Variants in MEF2C observed in about 807,000 individuals in gnomAD.
MEF2C encodes the protein myocyte-specific enhancer factor 2C.
In MEF2C, 6 loss-of-function variants were observed where a neutral mutation model predicts 50.5. The observed-to-expected ratio is 0.12, with a 90% CI of 0.07 to 0.23. The LOEUF is 0.23. Ranked by LOEUF, MEF2C falls within the 10% of genes least tolerant of loss-of-function variation. The pLI is 1.00. For missense variants in MEF2C, 276 were observed against 605.0 expected, an observed-to-expected ratio of 0.46 and a Z score of 5.70; for synonymous variants, 183 against 228.0, an observed-to-expected ratio of 0.80 and a Z score of 1.78.
chr5:88,863,847 A>C lies in MEF2C; in HGVS notation c.-143+19108T>G, dbSNP rs551106177. 1.1e-3 allele frequency among the ~76,000 whole-genome samples: 157 copies of C among 144,196 alleles called. 3 individuals carry two copies. Among genetic ancestry groups the C allele is most frequent in the Admixed American group, 0.01 (146 of 14,260 alleles). The allele number at this position is 144,196 out of a possible 152,430, so 94.6% of individuals were successfully genotyped here. A position where few individuals can be genotyped will look rare whatever the true frequency, so the allele number is the denominator to read the frequency against. ...TTCTTTTTTTTTTTTTTTGAGAGAG[A>C]GCCTCGCTCTGTCTCTCAGGTTGGA... On this transcript the variant is annotated intron_variant, in intron 1 of 10. Transcript: ENST00000504921.
intron 6 of MEF2C, chr5:88,738,181 G>GT (rs913535357): frequency 6.1e-6 from 6 of 985,214 alleles, no homozygotes; most frequent in Non-Finnish European, 7.2e-6. Context: ...CTCAATAGAA[G>GT]TATTTCCCTA....
Position 88,756,551 on chromosome 5 carries a change from G to A in MEF2C, c.403-4508C>T. Among the ~76,000 whole-genome samples the A allele has an allele frequency of 1.3e-5, 2 of 152,168 alleles. 1 individual carries two copies. The highest frequency in any genetic ancestry group is 4.8e-5 in the African/African-American group (2 of 41,446). On this transcript the variant is annotated intron_variant, in intron 4 of 10. Transcript: ENST00000504921. Reference sequence around the variant, plus strand: ...CTTTCTATCAGGAATCTCAGTTACAGTCCAGGTTATGTAATAAATTGCCAT... The same window carrying A: ...CTTTCTATCAGGAATCTCAGTTACAATCCAGGTTATGTAATAAATTGCCAT...
chr5:88,767,086 T>G (rs1041251204), intron 3 of MEF2C, among the ~76,000 whole-genome samples: 2 of 152,238 alleles, frequency 1.3e-5, no homozygotes, highest in African/African-American at 4.8e-5. Context: ...CTGCTGCTGT[T>G]TCCTGACCCT....
chr5:88,744,178 G>T, intron 6 of MEF2C: 1 of 966,554 alleles, frequency 1.0e-6, no homozygotes, highest in Non-Finnish European at 1.2e-6. Flanking sequence ...TCTGCTAATG[G>T]TTATTTCCAT....
At chr5:88,902,983 A>G (rs1256907630) in intron 1 of MEF2C, among the ~76,000 whole-genome samples, 1 of 151,738 alleles carries the variant, frequency 6.6e-6, no homozygotes, top group Non-Finnish European at 1.5e-5. Context: ...AATGTTTTCA[A>G]TTTACTATAA....
chr5:88,862,658 C>T (rs946456665), intron 1 of MEF2C, among the ~76,000 whole-genome samples: 28 of 152,190 alleles, frequency 1.8e-4, no homozygotes, highest in African/African-American at 5.8e-4. Flanking sequence ...CCTGTTTGGC[C>T]CTTTTCTCTT....
chr5:88,885,004 T>C (rs909526895), upstream of MEF2C, among the ~76,000 whole-genome samples: 1 of 152,118 alleles, frequency 6.6e-6, no homozygotes. Flanking sequence ...TTAAAAAATA[T>C]TGTGAAAGCA....
At chr5:88,768,776 C>T in intron 3 of MEF2C, 6 of 708,330 alleles carry the variant, frequency 8.5e-6, no homozygotes, top group Non-Finnish European at 1.0e-5. Flanking sequence ...ACTACCATTT[C>T]ACACTACGTT....
At chr5:88,801,007 A>G (rs1798097252) in intron 3 of MEF2C, among the ~76,000 whole-genome samples, 1 of 152,190 alleles carries the variant, frequency 6.6e-6, no homozygotes, top group Non-Finnish European at 1.5e-5. Flanking sequence ...AAGACATGAT[A>G]ATTACGCAGA....
Position 88,804,410 on chromosome 5 carries a change from CACTCTA to C in MEF2C, c.258+182_258+187del. The C allele has an allele frequency of 5.2e-6, 3 of 573,188 alleles. No homozygotes were observed. In the Admixed American group the frequency reaches 9.0e-5, roughly 17 times the overall value. The allele number at this position is 573,188 out of a possible 1,614,324, so 35.5% of individuals were successfully genotyped here. Reference sequence around the variant, plus strand: ...TCTTACATGGTCTCTATCATCACATCACTCTAACTTTTGAAGGGGAGAGAAAAGGTG... The same window carrying C: ...TCTTACATGGTCTCTATCATCACATCACTTTTGAAGGGGAGAGAAAAGGTG... On this transcript the variant is annotated intron_variant, in intron 3 of 10. Coordinates refer to ENST00000504921, the MANE Select transcript of MEF2C (RefSeq NM_002397.5).
intron 1 of MEF2C, 67 bp from the exon 2 acceptor site, chr5:88,823,997 C>G: frequency 7.8e-7 from 1 of 1,273,968 alleles, no homozygotes; most frequent in Non-Finnish European, 1.0e-6. Flanking sequence ...CTATCATATT[C>G]TAATTTTATC....
intron 3 of MEF2C, among the ~76,000 whole-genome samples, chr5:88,790,216 C>T (rs904691349): frequency 6.6e-6 from 1 of 152,188 alleles, no homozygotes; most frequent in Non-Finnish European, 1.5e-5. Context: ...CACAGAATTT[C>T]AGTTGTAAGA....
intron 1 of MEF2C, among the ~76,000 whole-genome samples, chr5:88,839,801 A>G (rs1428901086): frequency 1.3e-5 from 2 of 152,194 alleles, no homozygotes; most frequent in African/African-American, 4.8e-5. Context: ...CAATAAGCAT[A>G]ACAAAACCTC....
At chr5:88,891,317 T>C (rs1834525884) in intron 1 of MEF2C, among the ~76,000 whole-genome samples, 1 of 151,962 alleles carries the variant, frequency 6.6e-6, no homozygotes, top group African/African-American at 2.4e-5. Flanking sequence ...TTCTCAAATT[T>C]GATAAAGATA....
At chr5:88,785,169 T>C (rs181370804) in intron 3 of MEF2C, among the ~76,000 whole-genome samples, 20 of 152,120 alleles carry the variant, frequency 1.3e-4, no homozygotes, top group African/African-American at 4.6e-4. Context: ...CGTATAACCC[T>C]ATGAACTGTG....
chr5:88,760,380 A>G (rs910306711), intron 4 of MEF2C, among the ~76,000 whole-genome samples: 2 of 152,244 alleles, frequency 1.3e-5, no homozygotes, highest in African/African-American at 4.8e-5. Context: ...TAATATTCTG[A>G]TAAAGCTTTA....
intron 3 of MEF2C, chr5:88,771,995 C>T (rs747058345): frequency 6.6e-6 from 1 of 152,286 alleles, no homozygotes; most frequent in Non-Finnish European, 1.5e-5. Context: ...TGCTGCTGCT[C>T]TGTTACTGCC....
chr5:88,891,809 A>G (rs1414703741), intron 1 of MEF2C, among the ~76,000 whole-genome samples: 2 of 151,936 alleles, frequency 1.3e-5, no homozygotes, highest in South Asian at 2.1e-4. Context: ...TATTAGTTTT[A>G]TTGTTTTGTT....
At chr5:88,791,156 T>G (rs1386675346) in intron 3 of MEF2C, among the ~76,000 whole-genome samples, 1 of 152,190 alleles carries the variant, frequency 6.6e-6, no homozygotes, top group African/African-American at 2.4e-5. Flanking sequence ...GAATGTAACA[T>G]TTGGTTCAAA....
Sources: allele counts gnomAD v4.1 joint callset (sites outside exome capture counted in the v4.1 genomes callset), GRCh38; gene constraint gnomAD v4.1.1; transcripts MANE v1.5; gene names NCBI Gene and HGNC (gene_info 2026-07-23, HGNC 2026-07-21).